TP63: variants seen among roughly 807,000 people sequenced by gnomAD.
The protein encoded by TP63 is tumor protein 63.
Under a neutral mutation model 82.8 loss-of-function variants are expected in TP63, and 17 were observed. The ratio of observed to expected loss-of-function variants is 0.21; its 90% CI spans 0.14 to 0.31. The LOEUF is 0.31. Among genes scored for constraint, TP63 ranks in the 10% least tolerant of loss-of-function variants. The pLI, the probability that TP63 is intolerant of heterozygous loss-of-function variation, is 1.00. For missense variants in TP63, 648 were observed against 895.3 expected, an observed-to-expected ratio of 0.72 and a Z score of 3.52; for synonymous variants, 330 against 321.7, an observed-to-expected ratio of 1.03 and a Z score of -0.28.
the TP63 span, among the ~76,000 whole-genome samples, chr3:189,611,103 C>T: frequency 6.6e-6 from 1 of 152,168 alleles, no homozygotes; most frequent in Admixed American, 6.5e-5. Flanking sequence ...GCCATATCAA[C>T]TCTATTGATA....
At chr3:189,687,354 C>T (rs761609428) in intron 1 of TP63, among the ~76,000 whole-genome samples, 60 of 152,214 alleles carry the variant, frequency 3.9e-4, no homozygotes, top group Admixed American at 7.2e-4. Flanking sequence ...ATGGGAAAAC[C>T]AAGACAAGAA....
intron 3 of TP63, among the ~76,000 whole-genome samples, chr3:189,773,856 C>G (rs1723558464): frequency 6.6e-6 from 1 of 150,774 alleles, no homozygotes. Context: ...ATGCAAGTGA[C>G]TGGCTTATAG....
intron 1 of TP63, among the ~76,000 whole-genome samples, chr3:189,647,869 G>A (rs1378054612): frequency 1.4e-5 from 2 of 147,106 alleles, no homozygotes; most frequent in Non-Finnish European, 3.0e-5. Context: ...ACATTTTAAA[G>A]ATAATGTTAT....
chr3:189,859,937 A>G (rs1716812607), intron 4 of TP63, among the ~76,000 whole-genome samples: 1 of 152,186 alleles, frequency 6.6e-6, no homozygotes, highest in Non-Finnish European at 1.5e-5. Flanking sequence ...CTAGTGGAGG[A>G]AACAGGTACA....
chr3:189,652,810 C>A (rs955730831), intron 1 of TP63, among the ~76,000 whole-genome samples: 6 of 146,674 alleles, frequency 4.1e-5, no homozygotes, highest in African/African-American at 1.5e-4. Context: ...TTCATGAGAT[C>A]TGATGGTTTT....
chr3:189,601,222 A>G, the TP63 span, among the ~76,000 whole-genome samples: 3 of 152,198 alleles, frequency 2.0e-5, no homozygotes, highest in Non-Finnish European at 4.4e-5. Context: ...GGAAAGTCTG[A>G]GAATTTCGCG....
chr3:189,702,230 A>G (rs1394758908), intron 1 of TP63, among the ~76,000 whole-genome samples: 1 of 152,186 alleles, frequency 6.6e-6, no homozygotes, highest in Non-Finnish European at 1.5e-5. Flanking sequence ...AAAGGTTTTA[A>G]CTGAATGTGA....
chr3:189,827,355 C>A (rs765173178), intron 4 of TP63, among the ~76,000 whole-genome samples: 11 of 152,088 alleles, frequency 7.2e-5, no homozygotes, highest in Non-Finnish European at 1.6e-4. Context: ...ATACCCACCC[C>A]CCACCAGCTC....
intron 10 of TP63, among the ~76,000 whole-genome samples, chr3:189,882,410 A>T (rs2108845634): frequency 6.6e-6 from 1 of 151,900 alleles, no homozygotes; most frequent in East Asian, 1.9e-4. Flanking sequence ...GGTAGGCAGT[A>T]CTGGGTAAAA....
At chr3:189,869,300 A>C in intron 8 of TP63, 24 bp from the exon 9 acceptor site, 1 of 1,607,578 alleles carries the variant, frequency 6.2e-7, no homozygotes, top group Non-Finnish European at 8.5e-7. Flanking sequence ...TCCCAGGATG[A>C]AACTTGCATT....
chr3:189,629,076 T>C, upstream of TP63, among the ~76,000 whole-genome samples: 1 of 152,100 alleles, frequency 6.6e-6, no homozygotes, highest in East Asian at 1.9e-4. Flanking sequence ...CTATAAACCT[T>C]TTAAATTTTT....
chr3:189,739,801 T>TA (rs1553825244), intron 3 of TP63, among the ~76,000 whole-genome samples: 1 of 149,456 alleles, frequency 6.7e-6, no homozygotes, highest in African/African-American at 2.4e-5. Flanking sequence ...TTTTTTTTTT[T>TA]AATCATTTAT....
intron 1 of TP63, among the ~76,000 whole-genome samples, chr3:189,684,535 A>G (rs1240614885): frequency 6.6e-6 from 1 of 152,178 alleles, no homozygotes; most frequent in Admixed American, 6.5e-5. Context: ...AAGGGCAGGA[A>G]GTGAGAGTAG....
At chr3:189,599,695 G>A in the TP63 span, among the ~76,000 whole-genome samples, 1 of 152,090 alleles carries the variant, frequency 6.6e-6, no homozygotes, top group African/African-American at 2.4e-5. Flanking sequence ...AGTAGATTCT[G>A]TATTAGTAAC....
chr3:189,890,745 T>C, intron 12 of TP63, 44 bp from the exon 13 acceptor site: 1 of 1,593,122 alleles, frequency 6.3e-7, no homozygotes, highest in Non-Finnish European at 8.6e-7. Flanking sequence ...GGGGTGAACT[T>C]TCTTTTTCTG....
In TP63 at chr3:189,777,845, C is replaced by CTTTTTTTTTTTTTTTTTT. The variant is rs55731981; in HGVS notation, c.325-30416_325-30399dup. Among the ~76,000 whole-genome samples, 26 of 37,768 alleles carry CTTTTTTTTTTTTTTTTTT rather than the reference C, an allele frequency of 6.9e-4. 1 individual carries two copies. The highest frequency in any genetic ancestry group is 1.2e-3 in the South Asian group (1 of 802). The allele number at this position is 37,768 out of a possible 152,430, so 24.8% of individuals were successfully genotyped here. ...GAGTCTTCTTCTTCTTCTTCTTCTTCTTTTTTTTTTTTTTTTTTTTTTTTT... is the reference window on the plus strand; with the variant it reads ...GAGTCTTCTTCTTCTTCTTCTTCTTCTTTTTTTTTTTTTTTTTTTTTTTTTTTTTTTTTTTTTTTTTTT... On this transcript the variant is annotated intron_variant, in intron 3 of 13. Transcript: ENST00000264731.
intron 3 of TP63, among the ~76,000 whole-genome samples, chr3:189,795,377 T>TG (rs893326234): frequency 6.6e-6 from 1 of 152,030 alleles, no homozygotes; most frequent in African/African-American, 2.4e-5. Context: ...GAGGGAGTTA[T>TG]GAGGGGTTCG....
In TP63 at chr3:189,808,336, C is replaced by T; in HGVS notation, c.389C>T (p.Ser130Phe). ...CAGCAGATTCAGAACGGCTCCTCGT[C>T]CACCAGTCCCTATAACACAGACCAC... ...MDQQIQNGSS[S>F]TSPYNTDHAQ... is the part of the protein sequence containing the mutation. Residue 130 changes from serine (S) to phenylalanine (F), a missense_variant, in exon 4 of 14, where the codon TCC becomes TTC. Physicochemically the swap from Ser to Phe is radical, Grantham distance 155 (BLOSUM62 -2). Transcript: ENST00000264731. 1 of 1,614,228 alleles carries T rather than the reference C, an allele frequency of 6.2e-7. No homozygotes were observed. The highest frequency in any genetic ancestry group is 8.5e-7 in the Non-Finnish European group (1 of 1,180,042).
chr3:189,695,154 T>C (rs987730821), intron 1 of TP63, among the ~76,000 whole-genome samples: 2 of 152,068 alleles, frequency 1.3e-5, no homozygotes, highest in Non-Finnish European at 2.9e-5. Flanking sequence ...AGACGTCTTT[T>C]TTCTCACTTT....
Sources: allele counts gnomAD v4.1 joint callset (sites outside exome capture counted in the v4.1 genomes callset), GRCh38; gene constraint gnomAD v4.1.1; transcripts MANE v1.5; gene names NCBI Gene and HGNC (gene_info 2026-07-23, HGNC 2026-07-21).